The following GRIK2 variants were observed in gnomAD, a reference collection of about 807,000 sequenced individuals.
The protein encoded by GRIK2 is glutamate receptor ionotropic, kainate 2.
In GRIK2, 32 loss-of-function variants were observed where a neutral mutation model predicts 100.3. The ratio of observed to expected loss-of-function variants is 0.32; its 90% CI spans 0.24 to 0.43. The LOEUF (loss-of-function observed/expected upper bound fraction) is 0.43. Among genes scored for constraint, GRIK2 ranks in the 20% least tolerant of loss-of-function variants. The pLI is 1.00. For missense variants in GRIK2, 843 were observed against 1,114.9 expected, an observed-to-expected ratio of 0.76 and a Z score of 3.47; for synonymous variants, 417 against 389.4, an observed-to-expected ratio of 1.07 and a Z score of -0.83.
intron 2 of GRIK2, among the ~76,000 whole-genome samples, chr6:101,614,023 T>C (rs898814634): frequency 6.6e-6 from 1 of 151,656 alleles, no homozygotes; most frequent in Non-Finnish European, 1.5e-5. Context: ...GAGGGACTGC[T>C]TCAGATGATA....
At chr6:101,812,889 A>G (rs1781421489) in intron 9 of GRIK2, among the ~76,000 whole-genome samples, 1 of 152,128 alleles carries the variant, frequency 6.6e-6, no homozygotes, top group Non-Finnish European at 1.5e-5. Context: ...ATTGAGAACT[A>G]CAAGATGCAA....
At chr6:101,396,829 C>T (rs1310747669) in intron 1 of GRIK2, among the ~76,000 whole-genome samples, 1 of 152,118 alleles carries the variant, frequency 6.6e-6, no homozygotes, top group Non-Finnish European at 1.5e-5. Context: ...TGTGCTAAAG[C>T]CTTTCAACTG....
chr6:101,971,118 G>C (rs9485575), intron 14 of GRIK2, among the ~76,000 whole-genome samples: 2,609 of 147,290 alleles, frequency 0.018, 241 homozygotes, highest in African/African-American at 0.068. Flanking sequence ...AATTTTTTCA[G>C]AAATTGGAAA....
At chr6:101,810,858 G>A (rs1311543940) in intron 9 of GRIK2, among the ~76,000 whole-genome samples, 2 of 151,942 alleles carry the variant, frequency 1.3e-5, no homozygotes, top group Admixed American at 1.3e-4. Context: ...AAAAATTTCT[G>A]TACCCAATAT....
intron 7 of GRIK2, among the ~76,000 whole-genome samples, chr6:101,768,518 A>T (rs1348614248): frequency 1.3e-5 from 2 of 152,164 alleles, no homozygotes; most frequent in Non-Finnish European, 2.9e-5. Flanking sequence ...TCACCTCTAG[A>T]TGAGGAAAGT....
At chr6:101,974,905 A>C (rs547946656) in intron 14 of GRIK2, among the ~76,000 whole-genome samples, 2 of 152,126 alleles carry the variant, frequency 1.3e-5, no homozygotes, top group African/African-American at 4.8e-5. Flanking sequence ...TAAAAATCGA[A>C]TTGAATTTAA....
chr6:101,673,953 C>A (rs1562300691), intron 4 of GRIK2, among the ~76,000 whole-genome samples: 1 of 152,130 alleles, frequency 6.6e-6, no homozygotes, highest in Non-Finnish European at 1.5e-5. Flanking sequence ...GTTGGACTTA[C>A]AGTAAGAAGA....
At chr6:101,630,496 C>T (rs1780675514) in intron 4 of GRIK2, among the ~76,000 whole-genome samples, 1 of 152,084 alleles carries the variant, frequency 6.6e-6, no homozygotes, top group African/African-American at 2.4e-5. Context: ...TGTTTGTTGG[C>T]TGCATGTACA....
intron 7 of GRIK2, among the ~76,000 whole-genome samples, chr6:101,700,112 T>G (rs138443077): frequency 6.6e-6 from 1 of 152,064 alleles, no homozygotes; most frequent in Non-Finnish European, 1.5e-5. Flanking sequence ...ATCATGCAAC[T>G]GCACTCCAGC....
At chr6:101,693,628 T>A (rs540015835) in intron 7 of GRIK2, among the ~76,000 whole-genome samples, 5 of 152,118 alleles carry the variant, frequency 3.3e-5, no homozygotes, top group African/African-American at 9.6e-5. Context: ...AAGAAAGATA[T>A]CTTTTTAGAA....
At chr6:101,763,443 G>A (rs1777853275) in intron 7 of GRIK2, among the ~76,000 whole-genome samples, 1 of 152,160 alleles carries the variant, frequency 6.6e-6, no homozygotes, top group Non-Finnish European at 1.5e-5. Context: ...TGTTATGAAT[G>A]TCTATGTCTC....
At chr6:101,619,270 T>C (rs1056446741) in intron 2 of GRIK2, among the ~76,000 whole-genome samples, 4 of 151,656 alleles carry the variant, frequency 2.6e-5, no homozygotes, top group Admixed American at 2.0e-4. Flanking sequence ...GTTATCTGGA[T>C]GTTTTTATTA....
intron 14 of GRIK2, among the ~76,000 whole-genome samples, chr6:101,934,127 A>T (rs1471237760): frequency 1.3e-5 from 2 of 151,862 alleles, no homozygotes; most frequent in African/African-American, 2.4e-5. Context: ...TGCTCATTTA[A>T]CAGATGAGGA....
At chr6:101,842,251 AT>A (rs1260238335) in intron 10 of GRIK2, among the ~76,000 whole-genome samples, 1 of 152,046 alleles carries the variant, frequency 6.6e-6, no homozygotes, top group African/African-American at 2.4e-5. Context: ...TCTTCAGGCC[AT>A]GTGTTGGTGA....
chr6:101,464,810 G>A (rs1771556971), intron 2 of GRIK2, among the ~76,000 whole-genome samples: 2 of 152,058 alleles, frequency 1.3e-5, no homozygotes, highest in South Asian at 4.1e-4. Context: ...GTGAGCCACC[G>A]TGCCCGGCCC....
intron 7 of GRIK2, among the ~76,000 whole-genome samples, chr6:101,733,580 CATCTTTAAT>C (rs1775423754): frequency 6.6e-6 from 1 of 152,052 alleles, no homozygotes; most frequent in African/African-American, 2.4e-5. Flanking sequence ...GTTTTAGCCA[CATCTTTAAT>C]GTTCTCTTCA....
chr6:102,037,407 G>C (rs1770328848), intron 15 of GRIK2, among the ~76,000 whole-genome samples: 1 of 151,258 alleles, frequency 6.6e-6, no homozygotes, highest in Non-Finnish European at 1.5e-5. Flanking sequence ...AACAATAATT[G>C]TTTAGAACTT....
intron 2 of GRIK2, among the ~76,000 whole-genome samples, chr6:101,535,697 A>G (rs973541120): frequency 1.3e-5 from 2 of 151,802 alleles, no homozygotes; most frequent in African/African-American, 4.8e-5. Flanking sequence ...TTGTTGTATT[A>G]TAATTATATA....
intron 10 of GRIK2, among the ~76,000 whole-genome samples, chr6:101,848,856 C>T (rs1783954315): frequency 6.6e-6 from 1 of 151,996 alleles, no homozygotes; most frequent in African/African-American, 2.4e-5. Flanking sequence ...GAGTTGATAA[C>T]ATTTTTGTGA....
Sources: allele counts gnomAD v4.1 joint callset (sites outside exome capture counted in the v4.1 genomes callset), GRCh38; gene constraint gnomAD v4.1.1; transcripts MANE v1.5; gene names NCBI Gene and HGNC (gene_info 2026-07-23, HGNC 2026-07-21).